CCSER1: variants seen among roughly 807,000 people sequenced by gnomAD.
CCSER1 encodes coiled-coil serine rich protein 1.
Under a neutral mutation model 82.0 loss-of-function variants are expected in CCSER1, and 41 were observed. The observed-to-expected ratio is 0.50, with a 90% CI of 0.39 to 0.65. The LOEUF (loss-of-function observed/expected upper bound fraction) is 0.65, where lower values mean the gene tolerates loss of function less well. CCSER1 is among the 30% of genes least tolerant of loss of function. The pLI, the probability that CCSER1 is intolerant of heterozygous loss-of-function variation, is 0.00. For synonymous variants in CCSER1, 414 were observed against 383.9 expected, an observed-to-expected ratio of 1.08 and a Z score of -0.92; for missense variants, 1,119 against 1,064.2, an observed-to-expected ratio of 1.05 and a Z score of -0.72.
chr4:91,570,284 T>A (rs1419229343), intron 10 of CCSER1, among the ~76,000 whole-genome samples: 1 of 150,460 alleles, frequency 6.6e-6, no homozygotes, highest in Admixed American at 6.6e-5. Flanking sequence ...TGTCAGTGGG[T>A]CTACCATTCT....
At chr4:91,150,294 G>A (rs1730031192) in intron 10 of CCSER1, among the ~76,000 whole-genome samples, 2 of 152,140 alleles carry the variant, frequency 1.3e-5, no homozygotes, top group African/African-American at 2.4e-5. Flanking sequence ...TGTTGTTGCT[G>A]TATAAAAATG....
intron 5 of CCSER1, among the ~76,000 whole-genome samples, chr4:90,542,742 T>C (rs1260513803): frequency 6.6e-6 from 1 of 152,144 alleles, no homozygotes; most frequent in Admixed American, 6.6e-5. Flanking sequence ...TCAATTTTTA[T>C]TGTCCCAGAA....
At chr4:91,587,147 G>C (rs997950148) in intron 10 of CCSER1, among the ~76,000 whole-genome samples, 1 of 151,660 alleles carries the variant, frequency 6.6e-6, no homozygotes, top group African/African-American at 2.4e-5. Flanking sequence ...CTATAGAGTT[G>C]ATTTCTTAGA....
intron 6 of CCSER1, among the ~76,000 whole-genome samples, chr4:90,637,014 TA>T (rs1725547461): frequency 6.6e-6 from 1 of 152,226 alleles, no homozygotes; most frequent in East Asian, 1.9e-4. Flanking sequence ...TAAAATTATA[TA>T]TTGCTGTGTA....
chr4:90,601,744 A>T (rs1371676787), intron 5 of CCSER1, among the ~76,000 whole-genome samples: 2 of 151,690 alleles, frequency 1.3e-5, no homozygotes, highest in South Asian at 4.2e-4. Flanking sequence ...AACAAATTGT[A>T]TATGCTGTAT....
chr4:90,230,904 C>A (rs1394599777), intron 1 of CCSER1, among the ~76,000 whole-genome samples: 2 of 152,154 alleles, frequency 1.3e-5, no homozygotes, highest in Admixed American at 6.6e-5. Context: ...CACATACACT[C>A]TCCCAAGACT....
chr4:91,162,593 T>C (rs1670063366), intron 10 of CCSER1, among the ~76,000 whole-genome samples: 1 of 152,216 alleles, frequency 6.6e-6, no homozygotes, highest in African/African-American at 2.4e-5. Flanking sequence ...TCTTAATTAT[T>C]GCCTCAATTT....
intron 9 of CCSER1, among the ~76,000 whole-genome samples, chr4:90,989,207 G>C (rs1487025809): frequency 1.3e-5 from 2 of 151,726 alleles, no homozygotes; most frequent in Non-Finnish European, 2.9e-5. Context: ...CCTTGTAACA[G>C]AGAAGAATCA....
intron 7 of CCSER1, among the ~76,000 whole-genome samples, chr4:90,813,615 A>C (rs1289834752): frequency 6.6e-6 from 1 of 152,166 alleles, no homozygotes; most frequent in East Asian, 1.9e-4. Context: ...TGGGTTCATC[A>C]GGGGTTTCCA....
intron 10 of CCSER1, among the ~76,000 whole-genome samples, chr4:91,233,769 G>A (rs1166471389): frequency 4.6e-5 from 7 of 151,774 alleles, no homozygotes; most frequent in Non-Finnish European, 1.0e-4. Flanking sequence ...TCAGTTTAAT[G>A]ACCAGCATGC....
chr4:90,835,821 C>T (rs1325702242), intron 8 of CCSER1, among the ~76,000 whole-genome samples: 2 of 152,110 alleles, frequency 1.3e-5, no homozygotes, highest in African/African-American at 4.8e-5. Context: ...ATCTGGGAGA[C>T]TTTTGCTGCA....
intron 10 of CCSER1, among the ~76,000 whole-genome samples, chr4:91,176,370 G>A (rs1417545783): frequency 6.6e-6 from 1 of 152,148 alleles, no homozygotes; most frequent in Non-Finnish European, 1.5e-5. Flanking sequence ...GAAAGTCATT[G>A]GTAGCTTGAT....
chr4:91,325,408 A>T (rs1304883712), intron 10 of CCSER1: 1 of 271,646 alleles, frequency 3.7e-6, no homozygotes, highest in Non-Finnish European at 7.3e-6. Flanking sequence ...AGCAAGGGGT[A>T]GGCAGAAGTA....
intron 6 of CCSER1, among the ~76,000 whole-genome samples, chr4:90,715,845 A>G (rs1741538345): frequency 1.3e-5 from 2 of 152,146 alleles, no homozygotes. Flanking sequence ...GTAATTTCAC[A>G]TCTCAAAATA....
intron 10 of CCSER1, among the ~76,000 whole-genome samples, chr4:91,423,173 C>G (rs568248488): frequency 6.6e-6 from 1 of 151,914 alleles, no homozygotes; most frequent in East Asian, 1.9e-4. Flanking sequence ...CGCCTGTAGT[C>G]CCAACACTTT....
At position 90,734,347 on chromosome 4, in the gene CCSER1, G is replaced by C. The variant is rs763111559; in HGVS notation, c.2010+10356G>C. Among the ~76,000 whole-genome samples, 36 of 151,906 alleles carry C rather than the reference G, an allele frequency of 2.4e-4. 1 individual carries two copies. Among genetic ancestry groups the C allele is most frequent in the Admixed American group, 6.6e-5 (1 of 15,264 alleles). On this transcript the variant is annotated intron_variant, in intron 7 of 10. Coordinates refer to ENST00000509176, the MANE Select transcript of CCSER1 (RefSeq NM_001145065.2). ...TCACTGCGTTAGCCAGGATGGTCTCGATCTCCTGACCTCGTGATCTGCCCG... is the reference window on the plus strand; with the variant it reads ...TCACTGCGTTAGCCAGGATGGTCTCCATCTCCTGACCTCGTGATCTGCCCG...
At chr4:90,484,986 G>T (rs1560592738) in intron 5 of CCSER1, among the ~76,000 whole-genome samples, 1 of 152,162 alleles carries the variant, frequency 6.6e-6, no homozygotes, top group African/African-American at 2.4e-5. Context: ...GGAGGCTATG[G>T]GGCAGGCAGG....
Position 90,336,794 on chromosome 4 carries a change from G to C in CCSER1, c.1509+23747G>C, listed in dbSNP as rs926058826. The stretch of plus-strand genomic sequence containing the variant: ...ATATGTAAAAATACACATTTATAAA[G>C]CAAGGGAATTCAGCCAGTTTTTTTG... On this transcript the variant is annotated intron_variant, in intron 3 of 10. Coordinates refer to ENST00000509176, the MANE Select transcript of CCSER1 (RefSeq NM_001145065.2). Among the ~76,000 whole-genome samples, 3 of 152,252 alleles carry C rather than the reference G, an allele frequency of 2.0e-5. No homozygotes were observed. In the South Asian group the frequency reaches 6.2e-4, roughly 32 times the overall value.
intron 5 of CCSER1, among the ~76,000 whole-genome samples, chr4:90,614,130 T>C (rs774947962): frequency 2.0e-5 from 3 of 152,194 alleles, no homozygotes; most frequent in Non-Finnish European, 4.4e-5. Context: ...TTTTTCATTA[T>C]TATATTAGTT....
Sources: gnomAD v4.1 joint callset for allele counts (sites outside exome capture counted in the v4.1 genomes callset) on GRCh38, gnomAD v4.1.1 for gene constraint, MANE v1.5 for transcripts, NCBI Gene and HGNC (gene_info 2026-07-23, HGNC 2026-07-21) for gene names.